DPP10: variants seen among roughly 807,000 people sequenced by gnomAD.
DPP10 encodes inactive dipeptidyl peptidase 10.
In DPP10, 33 loss-of-function variants were observed where a neutral mutation model predicts 120.9. The ratio of observed to expected loss-of-function variants is 0.27; its 90% confidence interval spans 0.21 to 0.37. DPP10 has a LOEUF of 0.37. Among genes scored for constraint, DPP10 ranks in the 10% least tolerant of loss-of-function variants. The pLI, the probability that DPP10 is intolerant of heterozygous loss-of-function variation, is 1.00. For synonymous variants in DPP10, 337 were observed against 326.1 expected (o/e 1.03, Z -0.36); for missense variants, 816 against 942.8 (o/e 0.87, Z 1.76).
At chr2:114,467,720 C>T (rs937877045) in intron 1 of DPP10, among the ~76,000 whole-genome samples, 4 of 152,150 alleles carry the variant, frequency 2.6e-5, no homozygotes, top group African/African-American at 9.7e-5. Context: ...TAGCTCCTGG[C>T]CAGGCACGGC....
intron 3 of DPP10, chr2:115,468,957 CTTT>C (rs55673607): frequency 4.7e-3 from 864 of 182,356 alleles, no homozygotes; most frequent in South Asian, 0.013. Flanking sequence ...TTCATAGATA[CTTT>C]TTTTTTTTTT....
intron 1 of DPP10, among the ~76,000 whole-genome samples, chr2:115,014,019 AC>A (rs1187106122): frequency 6.6e-6 from 1 of 152,182 alleles, no homozygotes; most frequent in Non-Finnish European, 1.5e-5. Flanking sequence ...AGAACTCTCT[AC>A]CCCAAATCAA....
intron 1 of DPP10, among the ~76,000 whole-genome samples, chr2:114,878,693 A>C (rs1691358910): frequency 6.6e-6 from 1 of 151,906 alleles, no homozygotes; most frequent in Non-Finnish European, 1.5e-5. Context: ...ATCCATCCTT[A>C]TGTGCCTGGC....
intron 1 of DPP10, among the ~76,000 whole-genome samples, chr2:114,754,979 C>T (rs545101453): frequency 5.9e-5 from 9 of 152,182 alleles, no homozygotes; most frequent in Admixed American, 3.9e-4. Flanking sequence ...CTAAATCACA[C>T]GTTATTTTGC....
intron 7 of DPP10, among the ~76,000 whole-genome samples, chr2:115,714,042 C>T (rs1175484081): frequency 6.6e-6 from 1 of 152,184 alleles, no homozygotes; most frequent in Non-Finnish European, 1.5e-5. Context: ...GCTGTCTAAA[C>T]ATCTGCTTTT....
chr2:114,747,985 C>T (rs889332704), intron 1 of DPP10, among the ~76,000 whole-genome samples: 7 of 152,088 alleles, frequency 4.6e-5, no homozygotes, highest in Non-Finnish European at 7.4e-5. Flanking sequence ...AGTGTAGAGA[C>T]TGAGAGTAAG....
intron 1 of DPP10, among the ~76,000 whole-genome samples, chr2:114,534,692 T>C (rs1686337974): frequency 6.9e-6 from 1 of 145,448 alleles, no homozygotes; most frequent in Non-Finnish European, 1.5e-5. Flanking sequence ...AGAAACCTTC[T>C]GTTTTGCTTT....
At chr2:115,363,883 T>C (rs2106364908) in intron 3 of DPP10, among the ~76,000 whole-genome samples, 3 of 152,326 alleles carry the variant, frequency 2.0e-5, no homozygotes, top group Middle Eastern at 6.8e-3. Flanking sequence ...TTTGGTTAAC[T>C]GTATTTATTC....
chr2:115,423,059 A>G (rs1574798803), intron 3 of DPP10, among the ~76,000 whole-genome samples: 2 of 152,270 alleles, frequency 1.3e-5, no homozygotes, highest in East Asian at 1.9e-4. Context: ...CATTGAAAAA[A>G]TAAAACAGGA....
intron 5 of DPP10, among the ~76,000 whole-genome samples, chr2:115,638,576 A>G (rs1329143232): frequency 6.6e-6 from 1 of 152,254 alleles, no homozygotes; most frequent in Non-Finnish European, 1.5e-5. Flanking sequence ...TAGGAATAAA[A>G]TAGAAATGCC....
At chr2:115,062,654 T>C (rs1706509157) in intron 1 of DPP10, among the ~76,000 whole-genome samples, 1 of 152,216 alleles carries the variant, frequency 6.6e-6, no homozygotes, top group Admixed American at 6.5e-5. Context: ...GATTTTCTGT[T>C]CCTGTGCTAG....
At chr2:115,467,104 G>T (rs539580908) in intron 3 of DPP10, among the ~76,000 whole-genome samples, 2 of 152,102 alleles carry the variant, frequency 1.3e-5, no homozygotes, top group Non-Finnish European at 1.5e-5. Flanking sequence ...TTTGGAAGGC[G>T]TGGGGAAAAT....
chr2:114,538,229 T>A (rs1311598602), intron 1 of DPP10, among the ~76,000 whole-genome samples: 1 of 152,206 alleles, frequency 6.6e-6, no homozygotes, highest in Non-Finnish European at 1.5e-5. Context: ...TGACCTGGTA[T>A]CCAAGGGATG....
At chr2:115,284,808 G>T (rs1574291753) in intron 1 of DPP10, among the ~76,000 whole-genome samples, 1 of 151,996 alleles carries the variant, frequency 6.6e-6, no homozygotes, top group South Asian at 2.1e-4. Flanking sequence ...TTCAGTCCTT[G>T]TCAGATGAAT....
At chr2:115,385,837 G>T (rs2066892609) in intron 3 of DPP10, among the ~76,000 whole-genome samples, 1 of 152,112 alleles carries the variant, frequency 6.6e-6, no homozygotes, top group African/African-American at 2.4e-5. Context: ...GTATGACTGT[G>T]ATTCTTATCA....
intron 1 of DPP10, among the ~76,000 whole-genome samples, chr2:114,830,231 A>C (rs1686970970): frequency 6.6e-6 from 1 of 152,068 alleles, no homozygotes; most frequent in Non-Finnish European, 1.5e-5. Context: ...GATAGCTCTC[A>C]AAATGGGGCC....
chr2:115,726,051 C>G (rs978017707), intron 7 of DPP10, among the ~76,000 whole-genome samples: 3 of 152,076 alleles, frequency 2.0e-5, no homozygotes, highest in Admixed American at 6.6e-5. Flanking sequence ...AGCTTATTTC[C>G]TATTTCATTG....
At chr2:115,667,076 T>C (rs1469884020) in intron 5 of DPP10, among the ~76,000 whole-genome samples, 1 of 152,110 alleles carries the variant, frequency 6.6e-6, no homozygotes, top group African/African-American at 2.4e-5. Flanking sequence ...TACCATCTCA[T>C]TGTTATATTT....
intron 3 of DPP10, among the ~76,000 whole-genome samples, chr2:115,349,685 A>G (rs2063899879): frequency 6.6e-6 from 1 of 152,110 alleles, no homozygotes; most frequent in Admixed American, 6.6e-5. Flanking sequence ...ATTGTAATAT[A>G]TCAATAATAT....
Sources: allele counts gnomAD v4.1 joint callset (sites outside exome capture counted in the v4.1 genomes callset), GRCh38; gene constraint gnomAD v4.1.1; transcripts MANE v1.5; gene names NCBI Gene and HGNC (gene_info 2026-07-23, HGNC 2026-07-21).